The following ABCA13 variants were observed in gnomAD, a reference collection of about 807,000 sequenced individuals.
The protein encoded by ABCA13 is ATP binding cassette subfamily A member 13, also known as ATP-binding cassette sub-family A member 13.
ABCA13 carries 476 observed loss-of-function variants against 478.7 expected under a neutral mutation model. The ratio of observed to expected loss-of-function variants is 0.99; its 90% CI spans 0.92 to 1.07. The LOEUF (loss-of-function observed/expected upper bound fraction) is 1.07, where lower values mean the gene tolerates loss of function less well. Among genes scored for constraint, ABCA13 ranks in the 50% least tolerant of loss-of-function variants. ABCA13 has a pLI of 0.00. For missense variants in ABCA13, 6,060 were observed against 5,910.6 expected (o/e 1.03, Z -0.83); for synonymous variants, 2,252 against 2,158.9 (o/e 1.04, Z -1.20).
chr7:48,625,989 G>C (rs1793627255), intron 59 of ABCA13, among the ~76,000 whole-genome samples: 1 of 152,178 alleles, frequency 6.6e-6, no homozygotes, highest in African/African-American at 2.4e-5. Flanking sequence ...ACTCGGCATA[G>C]TGTACAGGCA....
chr7:48,387,340 A>G (rs1207680428), intron 35 of ABCA13, among the ~76,000 whole-genome samples: 1 of 152,162 alleles, frequency 6.6e-6, no homozygotes, highest in East Asian at 1.9e-4. Flanking sequence ...AACGTGTTTC[A>G]TATGGAAATG....
At chr7:48,293,193 C>CCCCG (rs1554419597) in intron 20 of ABCA13, among the ~76,000 whole-genome samples, 1 of 64,480 alleles carries the variant, frequency 1.6e-5, no homozygotes, top group Non-Finnish European at 3.4e-5. Flanking sequence ...AAGTCTTCAG[C>CCCCG]CCCCCCCCCG....
intron 2 of ABCA13, among the ~76,000 whole-genome samples, chr7:48,193,617 A>T (rs1797413905): frequency 2.0e-5 from 3 of 151,218 alleles, no homozygotes; most frequent in Non-Finnish European, 4.4e-5. Context: ...AGATGATGAT[A>T]GTGATGATGA....
At chr7:48,455,531 C>A (rs1825570084) in intron 43 of ABCA13, among the ~76,000 whole-genome samples, 1 of 152,208 alleles carries the variant, frequency 6.6e-6, no homozygotes, top group Admixed American at 6.5e-5. Context: ...GACCCCTCCT[C>A]ATGGTGGCCG....
intron 35 of ABCA13, among the ~76,000 whole-genome samples, chr7:48,383,689 T>G (rs994573310): frequency 6.6e-6 from 1 of 152,184 alleles, no homozygotes; most frequent in African/African-American, 2.4e-5. Flanking sequence ...TTTGAAAAGT[T>G]TATAGAGAAG....
chr7:48,452,662 G>T (rs1825185927), intron 42 of ABCA13, among the ~76,000 whole-genome samples: 1 of 152,246 alleles, frequency 6.6e-6, no homozygotes. Context: ...GTGGCTAGAT[G>T]TGAATGTCAA....
chr7:48,414,574 A>G (rs1004269925), intron 41 of ABCA13, among the ~76,000 whole-genome samples: 2 of 150,034 alleles, frequency 1.3e-5, no homozygotes, highest in African/African-American at 4.9e-5. Context: ...ATATGTATAC[A>G]TATGTAACAT....
intron 42 of ABCA13, among the ~76,000 whole-genome samples, chr7:48,439,487 G>T (rs79933931): frequency 2.0e-5 from 3 of 152,062 alleles, no homozygotes; most frequent in Non-Finnish European, 4.4e-5. Context: ...GCTAATAACC[G>T]AAAGAGAAAA....
chr7:48,475,866 A>G (rs889518482), intron 45 of ABCA13, among the ~76,000 whole-genome samples: 1 of 152,170 alleles, frequency 6.6e-6, no homozygotes, highest in African/African-American at 2.4e-5. Flanking sequence ...TGGAAGCGAC[A>G]CCGTTAGAAA....
chr7:48,310,834 A>G (rs906339072), intron 24 of ABCA13, among the ~76,000 whole-genome samples: 10 of 152,208 alleles, frequency 6.6e-5, no homozygotes, highest in African/African-American at 2.4e-4. Flanking sequence ...GGACGGGCCC[A>G]GAACCCATGT....
At chr7:48,319,350 C>T (rs10499679) in intron 27 of ABCA13, among the ~76,000 whole-genome samples, 3,264 of 152,248 alleles carry the variant, frequency 0.021, 66 homozygotes, top group Middle Eastern at 0.054. Flanking sequence ...CCTGGTTTTG[C>T]ACTTGTAAAG....
intron 58 of ABCA13, among the ~76,000 whole-genome samples, chr7:48,604,602 T>C (rs1051401790): frequency 4.0e-5 from 6 of 151,740 alleles, no homozygotes; most frequent in Admixed American, 3.3e-4. Context: ...GAGACTGTTA[T>C]GATTTCCGTT....
intron 9 of ABCA13, among the ~76,000 whole-genome samples, chr7:48,240,015 G>A (rs1288929738): frequency 6.6e-6 from 1 of 152,198 alleles, no homozygotes; most frequent in African/African-American, 2.4e-5. Flanking sequence ...GAGACTGTGA[G>A]GCAGAGCTCC....
At chr7:48,246,603 T>A (rs66810745) in intron 13 of ABCA13, among the ~76,000 whole-genome samples, 113,930 of 151,770 alleles carry the variant, frequency 0.75, 43,645 homozygotes, top group African/African-American at 0.91. Flanking sequence ...GTATTACCTT[T>A]TTTTTTTATA....
At chr7:48,614,897 AG>A (rs958933226) in intron 58 of ABCA13, among the ~76,000 whole-genome samples, 4 of 72,754 alleles carry the variant, frequency 5.5e-5, no homozygotes, top group Non-Finnish European at 7.5e-5. Flanking sequence ...GGGTGGGGGG[AG>A]GGGGGAGGGA....
intron 22 of ABCA13, among the ~76,000 whole-genome samples, chr7:48,297,790 T>C (rs992096226): frequency 9.9e-5 from 15 of 151,622 alleles, no homozygotes; most frequent in African/African-American, 2.7e-4. Context: ...TTCTTTCTTT[T>C]TTTTTTTTTG....
intron 41 of ABCA13, among the ~76,000 whole-genome samples, chr7:48,415,045 C>T (rs1819788381): frequency 6.6e-6 from 1 of 152,156 alleles, no homozygotes; most frequent in African/African-American, 2.4e-5. Context: ...TTCCTAAGCC[C>T]CTTTTCCCCA....
At chr7:48,379,530 A>G (rs1814020021) in intron 35 of ABCA13, among the ~76,000 whole-genome samples, 1 of 152,230 alleles carries the variant, frequency 6.6e-6, no homozygotes, top group African/African-American at 2.4e-5. Context: ...GTGCTCAGGC[A>G]TGAATGCATC....
chr7:48,250,872 A>G (rs191626028), intron 15 of ABCA13, among the ~76,000 whole-genome samples: 400 of 152,194 alleles, frequency 2.6e-3, no homozygotes, highest in Non-Finnish European at 3.8e-3. Context: ...GCTCCATCAC[A>G]GTGGGGTTAT....
Sources: allele counts gnomAD v4.1 joint callset (sites outside exome capture counted in the v4.1 genomes callset), GRCh38; gene constraint gnomAD v4.1.1; transcripts MANE v1.5; gene names NCBI Gene and HGNC (gene_info 2026-07-23, HGNC 2026-07-21).